SHTN1: variants seen among roughly 807,000 people sequenced by gnomAD.
SHTN1 encodes the protein shootin 1, also known as shootin-1.
Under a neutral mutation model 83.1 loss-of-function variants are expected in SHTN1, and 42 were observed. The observed-to-expected ratio is 0.51, with a 90% CI of 0.39 to 0.65. SHTN1 has a LOEUF of 0.65. Ranked by LOEUF, SHTN1 falls within the 30% of genes least tolerant of loss-of-function variation. The pLI, the probability that SHTN1 is intolerant of heterozygous loss-of-function variation, is 0.00. For synonymous variants in SHTN1, 224 were observed against 247.7 expected (o/e 0.90, Z 0.90); for missense variants, 622 against 737.8 (o/e 0.84, Z 1.82).
chr10:116,938,040 G>C (rs1306954029), intron 9 of SHTN1, among the ~76,000 whole-genome samples: 1 of 151,648 alleles, frequency 6.6e-6, no homozygotes, highest in African/African-American at 2.4e-5. Context: ...TCTCTAAACT[G>C]GTTTTTCTAG....
chr10:116,914,674 G>C (rs1223241721), intron 13 of SHTN1, among the ~76,000 whole-genome samples: 2 of 151,980 alleles, frequency 1.3e-5, no homozygotes, highest in East Asian at 3.9e-4. Flanking sequence ...AGAGAGGAGA[G>C]AGAGTATTTT....
At chr10:116,905,159 G>A (rs1022451958) in intron 15 of SHTN1, among the ~76,000 whole-genome samples, 5 of 144,756 alleles carry the variant, frequency 3.5e-5, no homozygotes, top group South Asian at 4.5e-4. Flanking sequence ...CCGAGATTGC[G>A]CCACTGCAGT....
chr10:116,963,214 GGCGC>G (rs1199659815), intron 3 of SHTN1, among the ~76,000 whole-genome samples: 2 of 149,828 alleles, frequency 1.3e-5, no homozygotes, highest in Non-Finnish European at 3.0e-5. Flanking sequence ...TGGGACTACA[GGCGC>G]CCGCCATCAC....
At chr10:117,092,169 G>A (rs1194253218) in intron 1 of SHTN1, among the ~76,000 whole-genome samples, 1 of 152,200 alleles carries the variant, frequency 6.6e-6, no homozygotes, top group Non-Finnish European at 1.5e-5. Flanking sequence ...GCCCAACACA[G>A]TAGCTTGCAA....
At chr10:117,107,421 G>A (rs540801411) in intron 1 of SHTN1, among the ~76,000 whole-genome samples, 7 of 151,134 alleles carry the variant, frequency 4.6e-5, no homozygotes, top group South Asian at 2.1e-4. Context: ...CACATACTCC[G>A]TTCCGCAATA....
chr10:117,055,571 T>C (rs1852815646), intron 1 of SHTN1, among the ~76,000 whole-genome samples: 1 of 78,890 alleles, frequency 1.3e-5, no homozygotes, highest in Non-Finnish European at 4.5e-5. Flanking sequence ...AAATCTACAC[T>C]TAAAAATGGT....
intron 6 of SHTN1, among the ~76,000 whole-genome samples, chr10:116,949,600 C>A (rs1365093159): frequency 2.0e-5 from 3 of 152,142 alleles, no homozygotes; most frequent in Admixed American, 6.6e-5. Flanking sequence ...ACCAACATGG[C>A]ACATGTATAC....
At chr10:117,115,684 T>C (rs1470633543) in intron 1 of SHTN1, among the ~76,000 whole-genome samples, 6 of 152,208 alleles carry the variant, frequency 3.9e-5, no homozygotes, top group Admixed American at 6.5e-5. Flanking sequence ...AATTGTGATA[T>C]ACTCCACAGC....
Position 116,908,274 on chromosome 10 carries a change from T to C in SHTN1, c.1360-1527A>G, listed in dbSNP as rs542346010. Among the ~76,000 whole-genome samples, 63 of 152,276 alleles carry C rather than the reference T, an allele frequency of 4.1e-4. No homozygotes were observed. In the Middle Eastern group the frequency reaches 0.014, roughly 33 times the overall value. On this transcript the variant is annotated intron_variant, in intron 14 of 16. Coordinates refer to ENST00000355371, the MANE Select transcript of SHTN1 (RefSeq NM_001127211.3). ...ATTTTTTCCTTAGAAGTATCTCTTT[T>C]TATTTTTCATTTATTGTGTAAATAC... is the stretch of plus-strand genomic sequence containing the variant.
chr10:117,099,489 G>A (rs1853557623), intron 1 of SHTN1, among the ~76,000 whole-genome samples: 1 of 152,132 alleles, frequency 6.6e-6, no homozygotes, highest in Non-Finnish European at 1.5e-5. Flanking sequence ...TTTGCTCTCA[G>A]GATGTTAAAG....
intron 1 of SHTN1, among the ~76,000 whole-genome samples, chr10:117,064,058 T>G (rs550287343): frequency 1.3e-5 from 2 of 152,304 alleles, no homozygotes; most frequent in East Asian, 1.9e-4. Context: ...GTGTGCTCAT[T>G]TCCCCCTTTA....
chr10:117,029,640 G>A (rs894066997), intron 2 of SHTN1, among the ~76,000 whole-genome samples: 4 of 152,090 alleles, frequency 2.6e-5, no homozygotes, highest in African/African-American at 4.8e-5. Context: ...GTGAGTGCTC[G>A]TGAGCTCTGG....
chr10:116,993,109 G>A (rs1170747633), intron 1 of SHTN1, among the ~76,000 whole-genome samples: 5 of 140,450 alleles, frequency 3.6e-5, no homozygotes, highest in South Asian at 2.3e-4. Context: ...TCCGCCTCCC[G>A]GGTTCAAGCG....
At chr10:117,057,067 A>G (rs1442767179) in intron 1 of SHTN1, among the ~76,000 whole-genome samples, 1 of 152,202 alleles carries the variant, frequency 6.6e-6, no homozygotes, top group Non-Finnish European at 1.5e-5. Flanking sequence ...GGAAAGGAAG[A>G]AATAAACTGC....
chr10:116,911,754 C>G, intron 14 of SHTN1, 36 bp downstream of exon 14: 1 of 1,584,712 alleles, frequency 6.3e-7, no homozygotes, highest in Non-Finnish European at 8.7e-7. Flanking sequence ...TTTCATTTCC[C>G]CATTAGCTAA....
At chr10:116,953,942 T>C (rs977003969) in intron 5 of SHTN1, 100 bp downstream of exon 5, 26 of 1,049,900 alleles carry the variant, frequency 2.5e-5, no homozygotes, top group Non-Finnish European at 3.1e-5. Context: ...GCATCAGTAT[T>C]TTGAAAGCTT....
intron 14 of SHTN1, among the ~76,000 whole-genome samples, chr10:116,907,529 T>C (rs963421942): frequency 3.3e-5 from 5 of 152,178 alleles, no homozygotes; most frequent in African/African-American, 4.8e-5. Context: ...TTCCGGGAAG[T>C]ATGTTACAGA....
chr10:117,026,478 A>G (rs1852334560), intron 2 of SHTN1, among the ~76,000 whole-genome samples: 1 of 150,102 alleles, frequency 6.7e-6, no homozygotes, highest in Non-Finnish European at 1.5e-5. Context: ...GCTGGAATTC[A>G]ATGTCATAAT....
chr10:117,034,646 A>C (rs1430721286), intron 2 of SHTN1, among the ~76,000 whole-genome samples: 1 of 152,162 alleles, frequency 6.6e-6, no homozygotes, highest in African/African-American at 2.4e-5. Flanking sequence ...ATCTTAAAAA[A>C]AAAAAAATCA....
Sources: gnomAD v4.1 joint callset for allele counts (sites outside exome capture counted in the v4.1 genomes callset) on GRCh38, gnomAD v4.1.1 for gene constraint, MANE v1.5 for transcripts, NCBI Gene and HGNC (gene_info 2026-07-23, HGNC 2026-07-21) for gene names.